The following RTL4 variants were observed in gnomAD, a reference collection of about 807,000 sequenced individuals.
RTL4 encodes retrotransposon Gag-like protein 4.
Under a neutral mutation model 5.3 loss-of-function variants are expected in RTL4, and 4 were observed. That is an observed-to-expected ratio of 0.75 (90% CI 0.37 to 1.72). The LOEUF (loss-of-function observed/expected upper bound fraction) is 1.72, where lower values mean the gene tolerates loss of function less well. RTL4 is among the 40% of genes most tolerant of loss of function. The pLI is 0.04. For synonymous variants in RTL4, 98 were observed against 87.3 expected (o/e 1.12, Z -0.68); for missense variants, 260 against 227.1 (o/e 1.14, Z -0.93).
At chrX:112,453,019 C>T (rs1316489684), upstream of RTL4, among the ~76,000 whole-genome samples, 4 of 83,251 alleles carry the variant, frequency 4.8e-5, no homozygotes, top group African/African-American at 1.1e-4. Flanking sequence ...GGGACAAGAG[C>T]GAGACTCTGT....
the RTL4 span, among the ~76,000 whole-genome samples, chrX:112,175,351 G>T: frequency 1.6e-3 from 169 of 103,716 alleles, no homozygotes; most frequent in African/African-American, 5.3e-3. Context: ...TTTCCCCATT[G>T]CTTGTTTTTC....
the RTL4 span, among the ~76,000 whole-genome samples, chrX:112,345,487 T>C: frequency 1.8e-5 from 2 of 111,013 alleles, no homozygotes; most frequent in Non-Finnish European, 3.8e-5. Context: ...CAACAATTTG[T>C]TTATCCCTGT....
the RTL4 span, among the ~76,000 whole-genome samples, chrX:112,323,544 T>A: frequency 9.0e-6 from 1 of 110,580 alleles, no homozygotes; most frequent in Non-Finnish European, 1.9e-5. Context: ...CAGGCTGGAG[T>A]GCAGTGGTAG....
the RTL4 span, among the ~76,000 whole-genome samples, chrX:112,350,721 G>A: frequency 3.6e-5 from 4 of 109,776 alleles, no homozygotes; most frequent in South Asian, 1.6e-3. Flanking sequence ...TATCCCCTTT[G>A]TCATTTTTTA....
upstream of RTL4, among the ~76,000 whole-genome samples, chrX:112,450,385 C>T (rs988433257): frequency 1.8e-5 from 2 of 111,922 alleles, no homozygotes; most frequent in African/African-American, 3.3e-5. Flanking sequence ...AGACCTTGTC[C>T]GAGCTCACAA....
At chrX:112,427,596 A>G in the RTL4 span, among the ~76,000 whole-genome samples, 1 of 110,482 alleles carries the variant, frequency 9.1e-6, no homozygotes, top group African/African-American at 3.3e-5. Flanking sequence ...AATTTTTACT[A>G]TTTATTTTCT....
chrX:112,411,839 G>A, the RTL4 span, among the ~76,000 whole-genome samples: 2 of 110,451 alleles, frequency 1.8e-5, no homozygotes, highest in Non-Finnish European at 3.8e-5. Flanking sequence ...ACATAGTACC[G>A]GAACTCCTAG....
chrX:112,329,181 A>G, the RTL4 span, among the ~76,000 whole-genome samples: 1 of 111,513 alleles, frequency 9.0e-6, no homozygotes, highest in East Asian at 2.8e-4. Context: ...AAGGAGATAG[A>G]GACACAAAAA....
the RTL4 span, among the ~76,000 whole-genome samples, chrX:112,322,034 A>G: frequency 8.9e-6 from 1 of 112,135 alleles, no homozygotes; most frequent in Non-Finnish European, 1.9e-5. Flanking sequence ...TCCAGAGTAG[A>G]CTATAATGCT....
At chrX:112,354,045 C>T in the RTL4 span, among the ~76,000 whole-genome samples, 1 of 110,618 alleles carries the variant, frequency 9.0e-6, no homozygotes, top group Non-Finnish European at 1.9e-5. Context: ...CTCCCATGGG[C>T]CAACAGTTTT....
the RTL4 span, among the ~76,000 whole-genome samples, chrX:112,448,319 C>G: frequency 8.9e-6 from 1 of 111,762 alleles, no homozygotes; most frequent in African/African-American, 3.2e-5. Context: ...ACAGAGAAAC[C>G]AAACTAAGCC....
At chrX:112,442,657 A>G in the RTL4 span, among the ~76,000 whole-genome samples, 1 of 111,853 alleles carries the variant, frequency 8.9e-6, no homozygotes, top group Non-Finnish European at 1.9e-5. Flanking sequence ...TCCCATTGCA[A>G]CCCCAGCTAT....
the RTL4 span, among the ~76,000 whole-genome samples, chrX:112,315,289 G>A: frequency 6.3e-5 from 7 of 110,892 alleles, no homozygotes; most frequent in South Asian, 2.3e-3. Context: ...GAGATGAGGT[G>A]GAGTGGATTG....
At chrX:112,204,384 C>G in the RTL4 span, among the ~76,000 whole-genome samples, 1 of 112,115 alleles carries the variant, frequency 8.9e-6, no homozygotes, top group Non-Finnish European at 1.9e-5. Flanking sequence ...TGTTGCAGCA[C>G]TGTTCACAAT....
At chrX:112,362,654 A>G in the RTL4 span, among the ~76,000 whole-genome samples, 1 of 110,791 alleles carries the variant, frequency 9.0e-6, no homozygotes, top group Non-Finnish European at 1.9e-5. Flanking sequence ...GGACAGGGGA[A>G]GCTTCTGTTG....
chrX:112,377,276 G>C, the RTL4 span, among the ~76,000 whole-genome samples: 2 of 111,822 alleles, frequency 1.8e-5, no homozygotes, highest in Non-Finnish European at 3.8e-5. Flanking sequence ...CCCATCATAA[G>C]TTGAAAATAT....
chrX:112,353,486 T>G, the RTL4 span, among the ~76,000 whole-genome samples: 1 of 111,159 alleles, frequency 9.0e-6, no homozygotes, highest in Non-Finnish European at 1.9e-5. Context: ...ATATACACCA[T>G]GGAATACCAT....
the RTL4 span, among the ~76,000 whole-genome samples, chrX:112,407,629 T>C: frequency 1.8e-5 from 2 of 112,327 alleles, no homozygotes; most frequent in Non-Finnish European, 3.8e-5. Flanking sequence ...CACCTGCTGA[T>C]TGTACAGCCC....
At position 112,455,297 on chromosome X, in the gene RTL4, A is replaced by T. The variant is rs371012731; in HGVS notation, c.569A>T (p.Asp190Val). The change falls in exon 1 of 1, where the codon GAT becomes GTT. Residue 190 changes from aspartate (D) to valine (V), a missense_variant. Coordinates refer to ENST00000340433, the Ensembl canonical transcript of RTL4. ...GGTCAGTTCGAAAAGGCACTAGCTG[A>T]TCCCAACCAGGATGAAGAGAGTGTC... 512 of 1,209,871 alleles carry T rather than the reference A, an allele frequency of 4.2e-4. No homozygotes were observed. Among genetic ancestry groups the T allele is most frequent in the Non-Finnish European group, 5.3e-4 (472 of 895,244 alleles).
Sources: allele counts gnomAD v4.1 joint callset (sites outside exome capture counted in the v4.1 genomes callset), GRCh38; gene constraint gnomAD v4.1.1; transcripts MANE v1.5; gene names NCBI Gene and HGNC (gene_info 2026-07-23, HGNC 2026-07-21).